RGL1: variants seen among roughly 807,000 people sequenced by gnomAD.
RGL1 encodes ral guanine nucleotide dissociation stimulator-like 1.
In RGL1, 24 loss-of-function variants were observed where a neutral mutation model predicts 95.2. That is an observed-to-expected ratio of 0.25 (90% CI 0.18 to 0.35). The LOEUF is 0.35. Ranked by LOEUF, RGL1 falls within the 10% of genes least tolerant of loss-of-function variation. RGL1 has a pLI of 1.00. For synonymous variants in RGL1, 329 were observed against 344.9 expected (o/e 0.95, Z 0.51); for missense variants, 715 against 936.3 (o/e 0.76, Z 3.08).
intron 2 of RGL1, among the ~76,000 whole-genome samples, chr1:183,812,751 A>G (rs1661808625): frequency 6.6e-6 from 1 of 152,166 alleles, no homozygotes; most frequent in Non-Finnish European, 1.5e-5. Context: ...TGAGAGTTAA[A>G]TGAGGGCTGG....
At chr1:183,680,944 T>C (rs1481675139) in intron 1 of RGL1, among the ~76,000 whole-genome samples, 1 of 152,214 alleles carries the variant, frequency 6.6e-6, no homozygotes, top group Non-Finnish European at 1.5e-5. Context: ...ATAGCAATTG[T>C]GAATGGGAGT....
rs1199749094 is a variant in RGL1, at chr1:183,926,190, C to T, written c.2205C>T (p.Ser735=). The T allele has an allele frequency of 2.5e-6, 4 of 1,613,932 alleles. No individual in the cohort carries two copies. The highest frequency in any genetic ancestry group is 3.4e-6 in the Non-Finnish European group (4 of 1,179,980). Residue 735 remains serine (S), a synonymous_variant, in exon 18 of 18, where the codon TCC becomes TCT. Coordinates refer to ENST00000360851, the MANE Select transcript of RGL1 (RefSeq NM_001297671.3). ...ACTTCATTTTGCGCAAAAAGAACTC[C>T]ATGGAAGAACAAGTGAAACTGCGTA... ...NFDFILRKKN[S]MEEQVKLRSR...
intron 8 of RGL1, among the ~76,000 whole-genome samples, chr1:183,889,999 G>T (rs1237123185): frequency 6.6e-6 from 1 of 151,990 alleles, no homozygotes; most frequent in Non-Finnish European, 1.5e-5. Flanking sequence ...AGAACGATGG[G>T]GTCATATAAA....
At position 183,904,987 on chromosome 1, in the gene RGL1, G is replaced by T. The variant is rs189835307; in HGVS notation, c.1472+16G>T. 2.5e-5 allele frequency: 40 copies of T among 1,607,470 alleles called. No homozygotes were observed. Among genetic ancestry groups the T allele is most frequent in the Non-Finnish European group, 3.4e-5 (40 of 1,178,070 alleles). ...AGGAGGAGAGGTGGGATCACCTGTC[G>T]TTCATCGGGGTAGAACTGAAGTGTT... On this transcript the variant is annotated intron_variant, in intron 13 of 17. Transcript: ENST00000360851.
chr1:183,827,219 G>A (rs1311689009), intron 2 of RGL1, among the ~76,000 whole-genome samples: 2 of 152,168 alleles, frequency 1.3e-5, no homozygotes, highest in Admixed American at 6.5e-5. Flanking sequence ...CACTGCATCC[G>A]GCCGTGTGCC....
intron 2 of RGL1, among the ~76,000 whole-genome samples, chr1:183,840,123 T>C (rs953278137): frequency 2.6e-5 from 4 of 152,172 alleles, no homozygotes; most frequent in Non-Finnish European, 4.4e-5. Flanking sequence ...GGCCACTCTT[T>C]GTAGTATTCT....
chr1:183,721,280 C>G (rs866102944), intron 1 of RGL1, among the ~76,000 whole-genome samples: 1 of 152,198 alleles, frequency 6.6e-6, no homozygotes, highest in African/African-American at 2.4e-5. Context: ...CTGTCTCTAC[C>G]TGACCTGCAA....
chr1:183,684,424 G>C (rs12061628), intron 1 of RGL1, among the ~76,000 whole-genome samples: 12,311 of 152,044 alleles, frequency 0.081, 920 homozygotes, highest in African/African-American at 0.2. Flanking sequence ...ACAGGCCTCT[G>C]TGCTGCCCCT....
intron 2 of RGL1, among the ~76,000 whole-genome samples, chr1:183,816,883 C>T (rs888342885): frequency 3.9e-5 from 6 of 152,150 alleles, no homozygotes; most frequent in Admixed American, 2.0e-4. Flanking sequence ...CCGTTGTCCC[C>T]ACTGGGATTC....
In RGL1 at chr1:183,877,563, C is replaced by T. The variant is rs147258375; in HGVS notation, c.426-3053C>T. Reference sequence around the variant, plus strand: ...CTTCCCTGCCTGGTGTGCTGAGAAACGCTCTGCCGATGAGGAGGGCAGGGC... The same window carrying T: ...CTTCCCTGCCTGGTGTGCTGAGAAATGCTCTGCCGATGAGGAGGGCAGGGC... On this transcript the variant is annotated intron_variant, in intron 4 of 17. Coordinates refer to ENST00000360851, the MANE Select transcript of RGL1 (RefSeq NM_001297671.3). Among the ~76,000 whole-genome samples the T allele has an allele frequency of 7.0e-3, 1,065 of 152,298 alleles. 4 individuals carry two copies. The highest frequency in any genetic ancestry group is 1.0e-2 in the Non-Finnish European group (677 of 68,036).
intron 1 of RGL1, among the ~76,000 whole-genome samples, chr1:183,717,028 T>A (rs112793496): frequency 8.5e-5 from 13 of 152,140 alleles, no homozygotes; most frequent in Middle Eastern, 3.2e-3. Flanking sequence ...TGGGTGGCAG[T>A]TTACTGTATT....
chr1:183,832,751 CT>C (rs1392630140), intron 2 of RGL1, among the ~76,000 whole-genome samples: 1 of 152,114 alleles, frequency 6.6e-6, no homozygotes, highest in Non-Finnish European at 1.5e-5. Context: ...GTTTTCTTAT[CT>C]GTAAAATGGG....
chr1:183,901,384 G>A (rs887755925), intron 11 of RGL1, among the ~76,000 whole-genome samples: 1 of 152,122 alleles, frequency 6.6e-6, no homozygotes, highest in African/African-American at 2.4e-5. Flanking sequence ...CTACTCTGGA[G>A]GCTGAGGCAG....
chr1:183,857,823 C>T (rs557523657), intron 3 of RGL1, among the ~76,000 whole-genome samples: 71 of 152,274 alleles, frequency 4.7e-4, no homozygotes, highest in Middle Eastern at 3.4e-3. Context: ...CCTGCCAACA[C>T]TATGGGAATT....
chr1:183,773,337 C>A (rs1295005618), intron 2 of RGL1, among the ~76,000 whole-genome samples: 1 of 152,190 alleles, frequency 6.6e-6, no homozygotes, highest in Admixed American at 6.5e-5. Context: ...ACACAAGGAA[C>A]TGCACCTATC....
At chr1:183,654,674 T>G (rs2102007864) in intron 1 of RGL1, among the ~76,000 whole-genome samples, 1 of 152,304 alleles carries the variant, frequency 6.6e-6, no homozygotes, top group Admixed American at 6.5e-5. Context: ...CCATGTGCAC[T>G]GTGCACCTTC....
At chr1:183,771,671 T>C (rs1416222617) in intron 2 of RGL1, among the ~76,000 whole-genome samples, 1 of 152,178 alleles carries the variant, frequency 6.6e-6, no homozygotes. Flanking sequence ...TTAAATGATA[T>C]GGAAGCGGGA....
intron 2 of RGL1, among the ~76,000 whole-genome samples, chr1:183,754,188 G>A (rs893742997): frequency 1.3e-5 from 2 of 152,052 alleles, no homozygotes; most frequent in African/African-American, 4.8e-5. Flanking sequence ...TATAAAGATA[G>A]TCAACTTTCC....
chr1:183,656,113 C>CTTTTTTTTTTT (rs60220835), intron 1 of RGL1, among the ~76,000 whole-genome samples: 1 of 144,970 alleles, frequency 6.9e-6, no homozygotes, highest in African/African-American at 2.5e-5. Flanking sequence ...CTTTTCTTTT[C>CTTTTTTTTTTT]TTTTTTTTTT....
Sources: gnomAD v4.1 joint callset for allele counts (sites outside exome capture counted in the v4.1 genomes callset) on GRCh38, gnomAD v4.1.1 for gene constraint, MANE v1.5 for transcripts, NCBI Gene and HGNC (gene_info 2026-07-23, HGNC 2026-07-21) for gene names.